The following ZCCHC7 variants were observed in gnomAD, a reference collection of about 807,000 sequenced individuals.
The protein encoded by ZCCHC7 is zinc finger CCHC domain-containing protein 7.
Under a neutral mutation model 52.0 loss-of-function variants are expected in ZCCHC7, and 35 were observed. That is an observed-to-expected ratio of 0.67 (90% CI 0.51 to 0.89). ZCCHC7 has a LOEUF of 0.89. ZCCHC7 is among the 40% of genes least tolerant of loss of function. ZCCHC7 has a pLI of 0.00. For missense variants in ZCCHC7, 574 were observed against 649.1 expected (o/e 0.88, Z 1.26); for synonymous variants, 217 against 221.5 (o/e 0.98, Z 0.18).
intron 2 of ZCCHC7, among the ~76,000 whole-genome samples, chr9:37,279,367 T>C (rs1332916732): frequency 2.0e-5 from 3 of 151,702 alleles, no homozygotes. Context: ...AATGTTAATA[T>C]CTGAAAATGT....
At chr9:37,211,150 G>T (rs906346263) in intron 2 of ZCCHC7, among the ~76,000 whole-genome samples, 3 of 152,102 alleles carry the variant, frequency 2.0e-5, no homozygotes, top group Non-Finnish European at 2.9e-5. Flanking sequence ...TAAGTGTTTC[G>T]CATGATCAAA....
At chr9:37,155,367 A>C (rs1326106877) in intron 2 of ZCCHC7, among the ~76,000 whole-genome samples, 1 of 152,134 alleles carries the variant, frequency 6.6e-6, no homozygotes, top group Non-Finnish European at 1.5e-5. Flanking sequence ...AAAAAAAAAA[A>C]CGGCAATTAA....
chr9:37,221,669 G>A (rs1181232444), intron 2 of ZCCHC7, among the ~76,000 whole-genome samples: 3 of 152,086 alleles, frequency 2.0e-5, no homozygotes, highest in African/African-American at 7.2e-5. Context: ...AGATTAAGAT[G>A]AGTAAGATTT....
intron 2 of ZCCHC7, among the ~76,000 whole-genome samples, chr9:37,252,680 A>C (rs2133402023): frequency 6.6e-6 from 1 of 152,298 alleles, no homozygotes; most frequent in East Asian, 1.9e-4. Context: ...TTTAACTTAG[A>C]TTACCAGTCA....
intron 2 of ZCCHC7, among the ~76,000 whole-genome samples, chr9:37,152,987 A>G (rs1346413291): frequency 6.6e-6 from 1 of 151,940 alleles, no homozygotes; most frequent in Non-Finnish European, 1.5e-5. Flanking sequence ...CAACTTGTGG[A>G]TATTTACTTT....
chr9:37,295,199 G>A (rs1406553646), intron 2 of ZCCHC7, among the ~76,000 whole-genome samples: 1 of 152,216 alleles, frequency 6.6e-6, no homozygotes, highest in Non-Finnish European at 1.5e-5. Context: ...TGAATTGGGG[G>A]TGAATTCAGG....
chr9:37,235,835 A>T (rs1350353791), intron 2 of ZCCHC7, among the ~76,000 whole-genome samples: 2 of 147,768 alleles, frequency 1.4e-5, no homozygotes, highest in Non-Finnish European at 3.0e-5. Flanking sequence ...TGATCCACCC[A>T]CCTTGGCCTC....
intron 2 of ZCCHC7, among the ~76,000 whole-genome samples, chr9:37,256,075 A>G (rs1373873257): frequency 6.6e-6 from 1 of 152,180 alleles, no homozygotes; most frequent in Non-Finnish European, 1.5e-5. Flanking sequence ...TTACCTGATG[A>G]AATTAGGATA....
chr9:37,138,359 G>A (rs906728038), intron 2 of ZCCHC7, among the ~76,000 whole-genome samples: 1 of 152,080 alleles, frequency 6.6e-6, no homozygotes, highest in Non-Finnish European at 1.5e-5. Context: ...CTTTGGGTTG[G>A]ATTTTAATAA....
intron 5 of ZCCHC7, among the ~76,000 whole-genome samples, chr9:37,316,810 G>T (rs1829842449): frequency 6.6e-6 from 1 of 150,862 alleles, no homozygotes; most frequent in Non-Finnish European, 1.5e-5. Context: ...AGAGACCTAT[G>T]CAGTGCTTGG....
At chr9:37,135,039 A>G (rs1842942689) in intron 2 of ZCCHC7, among the ~76,000 whole-genome samples, 1 of 152,080 alleles carries the variant, frequency 6.6e-6, no homozygotes, top group South Asian at 2.1e-4. Flanking sequence ...CTTTCTTAAT[A>G]AATAGTGGCA....
At chr9:37,201,550 C>G (rs1434839802) in intron 2 of ZCCHC7, among the ~76,000 whole-genome samples, 1 of 152,106 alleles carries the variant, frequency 6.6e-6, no homozygotes, top group Non-Finnish European at 1.5e-5. Context: ...TTGTGTTCAT[C>G]AAAAACACAA....
intron 2 of ZCCHC7, among the ~76,000 whole-genome samples, chr9:37,249,056 A>T (rs1826200924): frequency 6.6e-6 from 1 of 152,122 alleles, no homozygotes; most frequent in Non-Finnish European, 1.5e-5. Flanking sequence ...TCTTCCCATA[A>T]ACTTGAATAT....
At chr9:37,353,351 GT>G (rs1821508732) in intron 7 of ZCCHC7, among the ~76,000 whole-genome samples, 1 of 152,216 alleles carries the variant, frequency 6.6e-6, no homozygotes. Context: ...GAGGCTGCCA[GT>G]TTGAGACCAG....
chr9:37,162,726 C>T (rs368506377), intron 2 of ZCCHC7, among the ~76,000 whole-genome samples: 1 of 152,132 alleles, frequency 6.6e-6, no homozygotes, highest in Non-Finnish European at 1.5e-5. Context: ...GTAAATACCT[C>T]GGAGTGGAAT....
chr9:37,289,748 A>G (rs977518444), intron 2 of ZCCHC7, among the ~76,000 whole-genome samples: 24 of 152,264 alleles, frequency 1.6e-4, no homozygotes, highest in African/African-American at 5.8e-4. Flanking sequence ...TGGCCTACAA[A>G]GCCCTTCATA....
intron 2 of ZCCHC7, among the ~76,000 whole-genome samples, chr9:37,282,980 G>A (rs1294443342): frequency 1.3e-5 from 2 of 150,710 alleles, no homozygotes; most frequent in African/African-American, 2.4e-5. Flanking sequence ...GGTGGGATGG[G>A]GAGAAAGGTG....
intron 2 of ZCCHC7, among the ~76,000 whole-genome samples, chr9:37,229,126 C>T (rs534368245): frequency 1.1e-4 from 17 of 152,168 alleles, no homozygotes; most frequent in East Asian, 5.8e-4. Context: ...TGAGCCATCG[C>T]GCCCAGCATG....
At chr9:37,188,413 C>G (rs947166239) in intron 2 of ZCCHC7, among the ~76,000 whole-genome samples, 1 of 151,730 alleles carries the variant, frequency 6.6e-6, no homozygotes, top group African/African-American at 2.4e-5. Flanking sequence ...CCTCAGCCTC[C>G]CAGAGTGCTG....
Sources: gnomAD v4.1 joint callset for allele counts (sites outside exome capture counted in the v4.1 genomes callset) on GRCh38, gnomAD v4.1.1 for gene constraint, MANE v1.5 for transcripts, NCBI Gene and HGNC (gene_info 2026-07-23, HGNC 2026-07-21) for gene names.